The following ELMO1 variants were observed in gnomAD, a reference collection of about 807,000 sequenced individuals.
The protein encoded by ELMO1 is engulfment and cell motility 1.
Under a neutral mutation model 98.9 loss-of-function variants are expected in ELMO1, and 26 were observed. The observed-to-expected ratio is 0.26, with a 90% CI of 0.19 to 0.36. ELMO1 has a LOEUF of 0.36. Ranked by LOEUF, ELMO1 falls within the 10% of genes least tolerant of loss-of-function variation. ELMO1 has a pLI of 1.00. For missense variants in ELMO1, 627 were observed against 935.2 expected, an observed-to-expected ratio of 0.67 and a Z score of 4.30; for synonymous variants, 346 against 346.0, an observed-to-expected ratio of 1.00 and a Z score of 0.00.
intron 14 of ELMO1, chr7:37,117,292 G>C (rs1785665995): frequency 6.5e-6 from 1 of 152,728 alleles, no homozygotes; most frequent in Non-Finnish European, 1.5e-5. Flanking sequence ...TACCAAGAGA[G>C]ACAAGGAGAT....
intron 15 of ELMO1, among the ~76,000 whole-genome samples, chr7:37,048,346 C>T (rs73688655): frequency 0.026 from 3,934 of 152,112 alleles, 147 homozygotes; most frequent in African/African-American, 0.084. Context: ...CAATTACGCA[C>T]TTATAAAATA....
chr7:37,435,669 A>T (rs999345494), intron 1 of ELMO1, among the ~76,000 whole-genome samples: 3 of 152,230 alleles, frequency 2.0e-5, no homozygotes, highest in Admixed American at 6.5e-5. Flanking sequence ...AGACTGTTTC[A>T]TTACACACTT....
At chr7:37,436,020 GAA>G (rs1371134141) in intron 1 of ELMO1, among the ~76,000 whole-genome samples, 1 of 152,226 alleles carries the variant, frequency 6.6e-6, no homozygotes, top group Non-Finnish European at 1.5e-5. Context: ...GTATGCTGCA[GAA>G]AAGAGGGTAT....
chr7:37,042,111 C>T (rs1358626956), intron 15 of ELMO1, among the ~76,000 whole-genome samples: 1 of 149,138 alleles, frequency 6.7e-6, no homozygotes, highest in Non-Finnish European at 1.5e-5. Flanking sequence ...TGGAAAAACC[C>T]CGTCTCTACG....
rs1440817594 is a variant in ELMO1 at position 37,117,512 on chromosome 7, G to A, written c.1191+15618C>T. 2.6e-5 allele frequency among the ~76,000 whole-genome samples: 4 copies of A among 152,294 alleles called. No homozygotes were observed. In the South Asian group the frequency reaches 6.2e-4, roughly 24 times the overall value. On this transcript the variant is annotated intron_variant, in intron 14 of 21. Transcript: ENST00000310758. ...CATTTAACAATGATCTCATCCTCAT[G>A]CTTGAAGCATTCCATTCAAATCACT...
intron 16 of ELMO1, among the ~76,000 whole-genome samples, chr7:36,902,393 G>A (rs1369136609): frequency 6.6e-6 from 1 of 152,208 alleles, no homozygotes; most frequent in Non-Finnish European, 1.5e-5. Flanking sequence ...GCATCTGTCT[G>A]AAGGGGTGAT....
At chr7:37,417,115 G>A (rs894042488) in intron 1 of ELMO1, among the ~76,000 whole-genome samples, 15 of 152,212 alleles carry the variant, frequency 9.9e-5, no homozygotes, top group Non-Finnish European at 8.8e-5. Flanking sequence ...CAAGGAAACT[G>A]AGGCACAGAA....
At chr7:37,268,058 A>T (rs2541089) in intron 5 of ELMO1, among the ~76,000 whole-genome samples, 2 of 152,072 alleles carry the variant, frequency 1.3e-5, no homozygotes, top group South Asian at 4.1e-4. Flanking sequence ...TTCTTAAAAC[A>T]AAAATTTCAG....
intron 16 of ELMO1, among the ~76,000 whole-genome samples, chr7:36,970,982 C>A (rs932843828): frequency 5.9e-5 from 9 of 152,214 alleles, no homozygotes; most frequent in Non-Finnish European, 7.3e-5. Flanking sequence ...AATGACACAC[C>A]ATCCTCACTG....
intron 15 of ELMO1, among the ~76,000 whole-genome samples, chr7:37,033,837 T>C (rs1795019704): frequency 6.6e-6 from 1 of 151,204 alleles, no homozygotes; most frequent in Non-Finnish European, 1.5e-5. Flanking sequence ...CAGAAGGGAG[T>C]GGGTGGTTCA....
rs140490441 is a variant in ELMO1 at position 36,922,802 on chromosome 7, T to A, written c.1438-27785A>T. Among the ~76,000 whole-genome samples the A allele has an allele frequency of 3.6e-3, 550 of 152,324 alleles. 2 individuals are homozygous for A. The highest frequency in any genetic ancestry group is 5.8e-3 in the Non-Finnish European group (396 of 68,032). ...ACCCCCCTTTCATATTCGTCTTTCA[T>A]GACAGCTTTTTAAATAATGGCTGAG... is the stretch of plus-strand genomic sequence containing the variant. On this transcript the variant is annotated intron_variant, in intron 16 of 21. Coordinates refer to ENST00000310758, the MANE Select transcript of ELMO1 (RefSeq NM_014800.11).
intron 4 of ELMO1, among the ~76,000 whole-genome samples, chr7:37,272,346 G>A (rs928603675): frequency 2.6e-5 from 4 of 152,164 alleles, no homozygotes; most frequent in South Asian, 2.1e-4. Context: ...TGGTCTATCC[G>A]TTCCACAGAA....
chr7:36,868,538 G>C lies in ELMO1; in HGVS notation c.1905+1855C>G, dbSNP rs547042291. ...TTTTTTGTATTTTTAGTACAGACGA[G>C]GTTTCACTATGTTGGCCAGGCTGCT... On this transcript the variant is annotated intron_variant, in intron 20 of 21. Transcript: ENST00000310758. 1.5e-3 allele frequency among the ~76,000 whole-genome samples: 222 copies of C among 152,078 alleles called. 1 individual carries two copies. Among genetic ancestry groups the C allele is most frequent in the African/African-American group, 5.0e-3 (208 of 41,474 alleles).
chr7:36,960,352 T>C (rs1389675306), intron 16 of ELMO1, among the ~76,000 whole-genome samples: 3 of 152,238 alleles, frequency 2.0e-5, no homozygotes, highest in Non-Finnish European at 4.4e-5. Context: ...AGGCCTCTCC[T>C]TGTTCACTGC....
Position 37,342,851 on chromosome 7 carries a change from T to G in ELMO1, c.-73-88A>C. Reference sequence around the variant, plus strand: ...CTTCATCACTTCCTGTTTTCACTGGTGGTTTGGTATGAAAAACGGCTCCCC... The same window carrying G: ...CTTCATCACTTCCTGTTTTCACTGGGGGTTTGGTATGAAAAACGGCTCCCC... On this transcript the variant is annotated intron_variant, in intron 1 of 21. Transcript: ENST00000310758. The surrounding 1 kb of genome is among the most constrained non-coding windows in gnomAD (Gnocchi z 4.3). The G allele has an allele frequency of 1.6e-6, 1 of 636,406 alleles. No homozygotes were observed. Among genetic ancestry groups the G allele is most frequent in the East Asian group, 3.2e-5 (1 of 31,358 alleles). The allele number at this position is 636,406 out of a possible 1,614,324, so 39.4% of individuals were successfully genotyped here.
At chr7:37,013,183 C>T in intron 16 of ELMO1, 116 bp downstream of exon 16, 12 of 1,307,060 alleles carry the variant, frequency 9.2e-6, no homozygotes, top group South Asian at 1.4e-5. Context: ...ACTATCATTG[C>T]AATCTTCCTC....
At chr7:37,169,293 C>T (rs572455553) in intron 13 of ELMO1, among the ~76,000 whole-genome samples, 4 of 152,334 alleles carry the variant, frequency 2.6e-5, no homozygotes, top group South Asian at 4.1e-4. Flanking sequence ...TTGCACTTCC[C>T]GAGTGAGGCA....
chr7:37,191,641 C>T (rs1032198736), intron 13 of ELMO1, among the ~76,000 whole-genome samples: 1 of 152,112 alleles, frequency 6.6e-6, no homozygotes, highest in Non-Finnish European at 1.5e-5. Flanking sequence ...TGGCATCGGC[C>T]GGGCACGGTG....
intron 15 of ELMO1, among the ~76,000 whole-genome samples, chr7:37,047,991 A>T (rs541906266): frequency 8.5e-5 from 13 of 152,352 alleles, no homozygotes; most frequent in African/African-American, 3.1e-4. Context: ...CTGAAAAATC[A>T]TTCCACTCTT....
Sources: gnomAD v4.1 joint callset for allele counts (sites outside exome capture counted in the v4.1 genomes callset) on GRCh38, gnomAD v4.1.1 for gene constraint, Gnocchi (gnomAD v3.1) non-coding constraint, MANE v1.5 for transcripts, NCBI Gene and HGNC (gene_info 2026-07-23, HGNC 2026-07-21) for gene names.